TAF1: variants seen among roughly 807,000 people sequenced by gnomAD.
TAF1 encodes transcription initiation factor TFIID subunit 1.
In TAF1, 2 loss-of-function variants were observed where a neutral mutation model predicts 138.5. The observed-to-expected ratio is 0.01, with a 90% CI of 0.01 to 0.05. The LOEUF (loss-of-function observed/expected upper bound fraction) is 0.05. TAF1 is among the 10% of genes least tolerant of loss of function. TAF1 has a pLI of 1.00. For synonymous variants in TAF1, 437 were observed against 503.2 expected (o/e 0.87, Z 1.76); for missense variants, 709 against 1,478.0 (o/e 0.48, Z 8.53).
rs987060763 is a variant in TAF1 at position 71,459,461 on chromosome X, G to A, written c.5065-91G>A. The A allele has an allele frequency of 2.0e-5, 22 of 1,118,839 alleles. No individual in the cohort carries two copies. In the African/African-American group the frequency reaches 2.1e-4, roughly 10 times the overall value. The allele number at this position is 1,118,839 out of a possible 1,213,427, so 92.2% of individuals were successfully genotyped here. A position where few individuals can be genotyped will look rare whatever the true frequency, so the allele number is the denominator to read the frequency against. On this transcript the variant is annotated intron_variant, in intron 35 of 37. Transcript: ENST00000423759. The stretch of plus-strand genomic sequence containing the variant: ...TGAGGCAGCAAGTGGAGGGATGGGC[G>A]GGGCGGGGAGGGGGGGTGTGCCTGG...
At chrX:71,430,796 C>T (rs189668300) in intron 32 of TAF1, among the ~76,000 whole-genome samples, 5 of 110,903 alleles carry the variant, frequency 4.5e-5, no homozygotes, top group East Asian at 2.8e-4. Context: ...GAGAAATTTC[C>T]GTTTTTGGAA....
intron 13 of TAF1, chrX:71,492,925 G>T (rs1208518641): frequency 8.8e-6 from 1 of 113,159 alleles, no homozygotes; most frequent in African/African-American, 3.2e-5. Context: ...CCAGCCCCCA[G>T]CCCTAGCCTC....
At chrX:71,397,871 A>T (rs762725738) in intron 23 of TAF1, among the ~76,000 whole-genome samples, 29 of 111,297 alleles carry the variant, frequency 2.6e-4, no homozygotes, top group Admixed American at 2.6e-3. Flanking sequence ...TAGTGACAGG[A>T]TTCTTCACAG....
Position 71,406,687 on chromosome X carries a change from C to A in TAF1, c.4048C>A (p.Gln1350Lys). 1 of 1,210,775 alleles carries A rather than the reference C, an allele frequency of 8.3e-7. No homozygotes were observed. Residue 1350 changes from glutamine (Q) to lysine (K), a missense_variant, in exon 26 of 38, where the codon CAG becomes AAG. Physicochemically the swap from Gln to Lys is moderately conservative, Grantham distance 53. Around this residue, in one of 14 missense-constraint regions of TAF1, gnomAD observed 63 missense variants for 163.3 expected, o/e 0.39. Coordinates refer to ENST00000423759, the MANE Select transcript of TAF1 (RefSeq NM_004606.5). ...KSLVLKFPKQ[Q>K]LPPKKKRRVG... Reference sequence around the variant, plus strand: ...TCTGGTTCTCAAGTTTCCTAAACAGCAGCTTCCTCCAAAGAAGAAACGGCG... The same window carrying A: ...TCTGGTTCTCAAGTTTCCTAAACAGAAGCTTCCTCCAAAGAAGAAACGGCG...
At chrX:71,375,066 ACT>A in intron 3 of TAF1, 99 bp from the exon 4 acceptor site, 4 of 1,062,175 alleles carry the variant, frequency 3.8e-6, no homozygotes, top group Non-Finnish European at 5.0e-6. Flanking sequence ...ACAGAGCAAG[ACT>A]CTGTCTCAAA....
In TAF1 at chrX:71,424,285, A is replaced by G. The variant is rs370827818; in HGVS notation, c.4753+47A>G. The G allele has an allele frequency of 2.0e-5, 22 of 1,101,231 alleles. No homozygotes were observed. The African/African-American group carries it at 2.6e-4, about 13-fold the overall frequency. 90.8% of individuals were successfully genotyped at this position (1,101,231 alleles called of 1,213,427 possible). On this transcript the variant is annotated intron_variant, in intron 32 of 37. Transcript: ENST00000423759. ...CTTTCCATGAATCCGTCCATCTTCT[A>G]TCCATCTAACATTACTTAGCATTAT...
chrX:71,375,236 C>T lies in TAF1; in HGVS notation c.422C>T (p.Pro141Leu), dbSNP rs141145230. Reference protein sequence around the residue: ...IDCKLMPPPPPPPGPMKKDKD... With the variant: ...IDCKLMPPPPLPPGPMKKDKD... The stretch of plus-strand genomic sequence containing the variant: ...TGCAAGTTGATGCCTCCTCCACCTC[C>T]ACCCCCGGGACCAATGAAGAAGGAT... Residue 141 changes from proline (P) to leucine (L), a missense_variant, in exon 4 of 38, where the codon CCA becomes CTA. Around this residue, in one of 14 missense-constraint regions of TAF1, gnomAD observed 123 missense variants for 161.6 expected, o/e 0.76. Transcript: ENST00000423759. 113 of 1,208,875 alleles carry T rather than the reference C, an allele frequency of 9.3e-5. No homozygotes were observed. In the African/African-American group the frequency reaches 1.8e-3, roughly 19 times the overall value.
At chrX:71,442,055 T>G (rs1246768007) in intron 32 of TAF1, among the ~76,000 whole-genome samples, 1 of 111,782 alleles carries the variant, frequency 8.9e-6, no homozygotes, top group Non-Finnish European at 1.9e-5. Context: ...ATTTTCTTAA[T>G]CCAGTCTATC....
chrX:71,368,649 C>G (rs1474054349), intron 3 of TAF1: 1 of 107,446 alleles, frequency 9.3e-6, no homozygotes, highest in African/African-American at 3.4e-5. Flanking sequence ...ATCCCGTTTA[C>G]TAAAAATAAA....
At chrX:71,489,446 G>A (rs752592931) in intron 13 of TAF1, among the ~76,000 whole-genome samples, 2 of 111,251 alleles carry the variant, frequency 1.8e-5, no homozygotes, top group African/African-American at 6.5e-5. Flanking sequence ...GGAGACCGAG[G>A]CAGGCGGATC....
At chrX:71,453,070 ACCGTG>A (rs1336850682) in intron 32 of TAF1, among the ~76,000 whole-genome samples, 3 of 110,131 alleles carry the variant, frequency 2.7e-5, no homozygotes, top group Non-Finnish European at 5.7e-5. Flanking sequence ...GGAGAGGGAG[ACCGTG>A]GGGAGACGGG....
chrX:71,464,391 T>A lies in TAF1; in HGVS notation c.*345T>A. ...GGGAAATTATGAAAGAACTAGTAAC[T>A]TTATGTCCTCTTGATGTATTAGGAA... On this transcript the variant is annotated 3_prime_UTR_variant, in exon 38 of 38. Transcript: ENST00000423759. 3 of 370,124 alleles carry A rather than the reference T, an allele frequency of 8.1e-6. No homozygotes were observed. The highest frequency in any genetic ancestry group is 9.2e-6 in the Non-Finnish European group (2 of 216,982). The allele number at this position is 370,124 out of a possible 1,213,427, so 30.5% of individuals were successfully genotyped here. A position where few individuals can be genotyped will look rare whatever the true frequency, so the allele number is the denominator to read the frequency against.
intron 30 of TAF1, 58 bp downstream of exon 30, chrX:71,423,297 T>A: frequency 3.3e-6 from 4 of 1,204,476 alleles, no homozygotes; most frequent in Admixed American, 2.2e-5. Flanking sequence ...GAAAAATGTT[T>A]AGGGTGTACA....
At chrX:71,448,495 GTC>G (rs1284534368) in intron 32 of TAF1, among the ~76,000 whole-genome samples, 4 of 112,185 alleles carry the variant, frequency 3.6e-5, no homozygotes, top group African/African-American at 9.7e-5. Context: ...TCATAGCTCT[GTC>G]TCTCATAAGA....
intron 13 of TAF1, among the ~76,000 whole-genome samples, chrX:71,486,328 G>C (rs1479766676): frequency 2.7e-5 from 3 of 110,593 alleles, no homozygotes; most frequent in Admixed American, 1.9e-4. Flanking sequence ...GGGATTATAG[G>C]CATGAGCCAC....
intron 13 of TAF1, among the ~76,000 whole-genome samples, chrX:71,520,177 T>C (rs762885658): frequency 2.8e-5 from 3 of 105,996 alleles, no homozygotes; most frequent in Non-Finnish European, 3.9e-5. Context: ...GGAGTCTCGC[T>C]CTGTTGCCCA....
intron 18 of TAF1, among the ~76,000 whole-genome samples, chrX:71,391,409 C>T (rs970958718): frequency 2.7e-5 from 3 of 110,498 alleles, no homozygotes; most frequent in East Asian, 5.7e-4. Flanking sequence ...TGAGGCCAGG[C>T]GCAGTGGCTC....
At chrX:71,377,357 A>T (rs1234551605) in intron 5 of TAF1, among the ~76,000 whole-genome samples, 166 bp downstream of exon 5, 2 of 111,558 alleles carry the variant, frequency 1.8e-5, no homozygotes, top group East Asian at 2.8e-4. Flanking sequence ...TTAAAGTTGT[A>T]TGTATTGATA....
intron 13 of TAF1, among the ~76,000 whole-genome samples, chrX:71,478,565 G>A (rs940488186): frequency 1.4e-4 from 15 of 110,904 alleles, no homozygotes; most frequent in Non-Finnish European, 1.7e-4. Flanking sequence ...AGAGAATCCT[G>A]GCCAAGTGCG....
Sources: gnomAD v4.1 joint callset for allele counts (sites outside exome capture counted in the v4.1 genomes callset) on GRCh38, gnomAD v4.1.1 for gene constraint, gnomAD v4.1.1 regional missense constraint, MANE v1.5 for transcripts, NCBI Gene and HGNC (gene_info 2026-07-23, HGNC 2026-07-21) for gene names.